Variants in TMEM123 observed in about 807,000 individuals in gnomAD.
TMEM123 encodes transmembrane protein 123.
In TMEM123, 16 loss-of-function variants were observed where a neutral mutation model predicts 19.7. That is an observed-to-expected ratio of 0.81 (90% CI 0.55 to 1.23). TMEM123 has a LOEUF of 1.23. Among genes scored for constraint, TMEM123 ranks in the 50% most tolerant of loss-of-function variants. TMEM123 has a pLI of 0.00. For missense variants in TMEM123, 313 were observed against 257.8 expected, an observed-to-expected ratio of 1.21 and a Z score of -1.47; for synonymous variants, 118 against 99.4, an observed-to-expected ratio of 1.19 and a Z score of -1.12.
intron 2 of TMEM123, among the ~76,000 whole-genome samples, chr11:102,424,713 C>T (rs1311488153): frequency 6.6e-6 from 1 of 151,656 alleles, no homozygotes; most frequent in Non-Finnish European, 1.5e-5. Flanking sequence ...ACTCAGTAAG[C>T]GAGGGGAGTC....
chr11:102,448,675 G>A (rs1857908007), intron 2 of TMEM123, 137 bp downstream of exon 2: 1 of 736,508 alleles, frequency 1.4e-6, no homozygotes, highest in Non-Finnish European at 2.4e-6. Flanking sequence ...CACTAGGGCA[G>A]GTTATTGGGA....
At chr11:102,446,871 A>C (rs560707410) in intron 2 of TMEM123, among the ~76,000 whole-genome samples, 1 of 152,320 alleles carries the variant, frequency 6.6e-6, no homozygotes, top group Admixed American at 6.5e-5. Context: ...CTATTTTCCT[A>C]GTGAGAGGAA....
At chr11:102,420,667 C>G (rs1254570440) in intron 2 of TMEM123, among the ~76,000 whole-genome samples, 1 of 152,180 alleles carries the variant, frequency 6.6e-6, no homozygotes, top group Admixed American at 6.5e-5. Flanking sequence ...CTGCCAGTCA[C>G]AAGGAGCAGT....
At chr11:102,428,038 T>TA (rs151270621) in intron 2 of TMEM123, among the ~76,000 whole-genome samples, 23 of 137,770 alleles carry the variant, frequency 1.7e-4, no homozygotes, top group African/African-American at 3.0e-4. Flanking sequence ...GAGATGCTGA[T>TA]AAAAAAAAGT....
chr11:102,435,441 G>A (rs1321094053), intron 2 of TMEM123, among the ~76,000 whole-genome samples: 1 of 151,882 alleles, frequency 6.6e-6, no homozygotes, highest in African/African-American at 2.4e-5. Flanking sequence ...CAACAACAAG[G>A]ACTGGTGAGG....
At chr11:102,447,796 CCA>C (rs1434269252) in intron 2 of TMEM123, among the ~76,000 whole-genome samples, 1 of 152,104 alleles carries the variant, frequency 6.6e-6, no homozygotes, top group Non-Finnish European at 1.5e-5. Context: ...TGACTACGTA[CCA>C]CCAGACACCA....
At chr11:102,404,880 T>C (rs1565347425) in intron 2 of TMEM123, among the ~76,000 whole-genome samples, 1 of 151,762 alleles carries the variant, frequency 6.6e-6, no homozygotes, top group Non-Finnish European at 1.5e-5. Flanking sequence ...GATTACAGGC[T>C]AAGCCACCAT....
rs1951919558 is a variant in TMEM123 at position 102,402,146 on chromosome 11, G to A, written c.218C>T (p.Pro73Leu). The A allele has an allele frequency of 6.2e-7, 1 of 1,614,020 alleles. No individual in the cohort carries two copies. Among genetic ancestry groups the A allele is most frequent in the South Asian group, 1.1e-5 (1 of 91,070 alleles). Residue 73 changes from proline to leucine, a missense_variant, in exon 3 of 5, where the codon CCA becomes CTA. By Grantham distance (98) the Pro-to-Leu change is moderately conservative (BLOSUM62 -3). Coordinates refer to ENST00000398136, the MANE Select transcript of TMEM123 (RefSeq NM_052932.3). ...GGAGTCTGAGGCAACTGAAGTTGGT[G>A]GTTTCACAGTACTGTTGGAAGTTTC... is the stretch of plus-strand genomic sequence containing the variant. ...TNETSNSTVK[P>L]PTSVASDSSN...
chr11:102,413,429 C>T (rs1272968316), intron 2 of TMEM123, among the ~76,000 whole-genome samples: 2 of 152,196 alleles, frequency 1.3e-5, no homozygotes, highest in African/African-American at 4.8e-5. Context: ...GGCACATACA[C>T]ATGGACCCTG....
chr11:102,406,628 C>T (rs1951957370), intron 2 of TMEM123, among the ~76,000 whole-genome samples: 1 of 152,092 alleles, frequency 6.6e-6, no homozygotes. Flanking sequence ...GTAATCCCGG[C>T]ACTTTGGGAG....
intron 2 of TMEM123, among the ~76,000 whole-genome samples, chr11:102,440,646 G>A (rs750212354): frequency 2.5e-4 from 38 of 152,118 alleles, no homozygotes; most frequent in African/African-American, 5.3e-4. Flanking sequence ...ATTAACTAAC[G>A]AGCAAAATAC....
chr11:102,404,993 T>C (rs1032964890), intron 2 of TMEM123, among the ~76,000 whole-genome samples: 2 of 152,198 alleles, frequency 1.3e-5, no homozygotes, highest in African/African-American at 2.4e-5. Flanking sequence ...GAATTTCTAC[T>C]ACTTTCTTCA....
At chr11:102,432,616 G>A (rs1278215347) in intron 2 of TMEM123, among the ~76,000 whole-genome samples, 4 of 152,210 alleles carry the variant, frequency 2.6e-5, no homozygotes, top group African/African-American at 4.8e-5. Flanking sequence ...AATTCAAGCC[G>A]GCTGCAGGAA....
intron 2 of TMEM123, among the ~76,000 whole-genome samples, chr11:102,431,153 A>G (rs1857700198): frequency 6.6e-6 from 1 of 152,172 alleles, no homozygotes; most frequent in Non-Finnish European, 1.5e-5. Context: ...AAAACTAAAA[A>G]TAGTCGGTGG....
In TMEM123 at chr11:102,440,487, G is replaced by A. The variant is rs1011384235; in HGVS notation, c.157+8325C>T. On this transcript the variant is annotated intron_variant, in intron 2 of 4. Transcript: ENST00000398136. ...TGAAGGAGAAATAAAATCCTTTACA[G>A]ACAAGCAAATGCTGAGAGATTTTGT... Among the ~76,000 whole-genome samples, 8 of 152,286 alleles carry A rather than the reference G, an allele frequency of 5.3e-5. No individual in the cohort carries two copies. The East Asian group carries it at 1.5e-3, about 29-fold the overall frequency.
At chr11:102,451,977 A>G (rs1174127790) in intron 1 of TMEM123, among the ~76,000 whole-genome samples, 2 of 152,194 alleles carry the variant, frequency 1.3e-5, no homozygotes, top group Admixed American at 6.5e-5. Context: ...AAAGCTCCCA[A>G]CTAGCTCCAA....
At chr11:102,399,970 CAA>C (rs11287064) in intron 4 of TMEM123, among the ~76,000 whole-genome samples, 220 of 147,200 alleles carry the variant, frequency 1.5e-3, no homozygotes, top group Admixed American at 2.4e-3. Flanking sequence ...AACTCCATCT[CAA>C]AAAAAAAAAA....
chr11:102,403,797 A>G (rs1199944428), intron 2 of TMEM123, among the ~76,000 whole-genome samples: 2 of 152,048 alleles, frequency 1.3e-5, no homozygotes, highest in African/African-American at 4.8e-5. Flanking sequence ...TTCTGGCAAA[A>G]CTGGATCAGT....
intron 2 of TMEM123, among the ~76,000 whole-genome samples, chr11:102,429,698 T>C (rs1044580920): frequency 6.6e-6 from 1 of 152,168 alleles, no homozygotes; most frequent in African/African-American, 2.4e-5. Context: ...ATGTTTGACA[T>C]CTTATACATA....
Sources: allele counts gnomAD v4.1 joint callset (sites outside exome capture counted in the v4.1 genomes callset), GRCh38; gene constraint gnomAD v4.1.1; transcripts MANE v1.5; gene names NCBI Gene and HGNC (gene_info 2026-07-23, HGNC 2026-07-21).